Variants in UNC13C observed in about 807,000 individuals in gnomAD.
UNC13C encodes protein unc-13 homolog C.
A neutral mutation model predicts 245.4 loss-of-function variants in UNC13C; 174 were observed. The observed-to-expected ratio is 0.71, with a 90% confidence interval of 0.63 to 0.80. The LOEUF is 0.80. UNC13C is among the 30% of genes least tolerant of loss of function. The pLI is 0.00. For synonymous variants in UNC13C, 992 were observed against 895.1 expected (o/e 1.11, Z -1.93); for missense variants, 2,829 against 2,602.9 (o/e 1.09, Z -1.89).
intron 17 of UNC13C, among the ~76,000 whole-genome samples, chr15:54,350,886 C>T (rs980544240): frequency 1.3e-5 from 2 of 152,102 alleles, no homozygotes; most frequent in Non-Finnish European, 2.9e-5. Flanking sequence ...AAAATGAATT[C>T]ATCTACAATG....
chr15:53,935,817 A>G, the UNC13C span, among the ~76,000 whole-genome samples: 1 of 152,110 alleles, frequency 6.6e-6, no homozygotes, highest in East Asian at 1.9e-4. Context: ...CCCATGGAAC[A>G]GGAGACCCCC....
chr15:54,523,469 T>G (rs1192427965), intron 24 of UNC13C, among the ~76,000 whole-genome samples: 1 of 152,212 alleles, frequency 6.6e-6, no homozygotes, highest in Non-Finnish European at 1.5e-5. Context: ...ATCCAGAAAT[T>G]AAAACTGTCA....
At chr15:54,261,596 G>A (rs1172373952) in intron 8 of UNC13C, among the ~76,000 whole-genome samples, 1 of 152,206 alleles carries the variant, frequency 6.6e-6, no homozygotes, top group Non-Finnish European at 1.5e-5. Context: ...AGGCTGCGGT[G>A]CAGTGGCGCC....
At chr15:54,168,841 A>G (rs1052332490) in intron 4 of UNC13C, among the ~76,000 whole-genome samples, 2 of 152,252 alleles carry the variant, frequency 1.3e-5, no homozygotes, top group African/African-American at 4.8e-5. Flanking sequence ...ACTGAACATT[A>G]AAGAGGGCAT....
At chr15:54,027,785 C>CTT (rs754006574) in intron 2 of UNC13C, among the ~76,000 whole-genome samples, 10 of 140,966 alleles carry the variant, frequency 7.1e-5, no homozygotes, top group East Asian at 6.2e-4. Context: ...TGCACATTTC[C>CTT]TTTTTTTTTT....
intron 23 of UNC13C, among the ~76,000 whole-genome samples, chr15:54,509,794 AG>A (rs1424013211): frequency 1.3e-5 from 2 of 152,212 alleles, no homozygotes; most frequent in African/African-American, 4.8e-5. Flanking sequence ...ATCTGTTCCC[AG>A]TAGCAGTTTG....
At chr15:54,321,828 C>T in intron 13 of UNC13C, 111 bp from the exon 14 acceptor site, 1 of 1,117,834 alleles carries the variant, frequency 8.9e-7, no homozygotes, top group African/African-American at 1.6e-5. Flanking sequence ...GCAGTTTTCT[C>T]TCCTTTTCAT....
intron 19 of UNC13C, among the ~76,000 whole-genome samples, chr15:54,469,289 T>TAG (rs1892332948): frequency 6.6e-6 from 1 of 151,608 alleles, no homozygotes; most frequent in Non-Finnish European, 1.5e-5. Flanking sequence ...TCCTGCAACT[T>TAG]CACTGAGTTC....
At chr15:54,540,480 T>C (rs1896195244) in intron 26 of UNC13C, among the ~76,000 whole-genome samples, 1 of 152,132 alleles carries the variant, frequency 6.6e-6, no homozygotes, top group Admixed American at 6.6e-5. Flanking sequence ...GCTTACATTA[T>C]CAAGTTGATT....
chr15:53,987,373 A>C (rs17664329), intron 1 of UNC13C, among the ~76,000 whole-genome samples: 19,180 of 152,006 alleles, frequency 0.13, 1,524 homozygotes, highest in East Asian at 0.28. Flanking sequence ...GGATCCTAAC[A>C]CATAATCTTG....
the UNC13C span, among the ~76,000 whole-genome samples, chr15:53,953,065 A>C: frequency 6.6e-6 from 1 of 152,144 alleles, no homozygotes; most frequent in Non-Finnish European, 1.5e-5. Flanking sequence ...TTGAATTAGC[A>C]CCTCACAACA....
intron 1 of UNC13C, among the ~76,000 whole-genome samples, chr15:54,009,178 G>T (rs10518750): frequency 6.6e-6 from 1 of 152,128 alleles, no homozygotes. Flanking sequence ...GGAAATTGTT[G>T]CTGGATCATA....
At chr15:54,276,397 A>T (rs901399182) in intron 10 of UNC13C, among the ~76,000 whole-genome samples, 2 of 152,096 alleles carry the variant, frequency 1.3e-5, no homozygotes, top group Non-Finnish European at 2.9e-5. Context: ...ACACCCCACA[A>T]ATTCAAGATG....
chr15:53,918,170 C>G, the UNC13C span, among the ~76,000 whole-genome samples: 1 of 152,130 alleles, frequency 6.6e-6, no homozygotes, highest in Non-Finnish European at 1.5e-5. Context: ...TCTTCCCCTG[C>G]GTTTTGTTTT....
intron 2 of UNC13C, among the ~76,000 whole-genome samples, chr15:54,073,031 A>C (rs530018325): frequency 6.6e-6 from 1 of 151,906 alleles, no homozygotes. Flanking sequence ...TCCCTCCCCT[A>C]GCCCTCCACC....
intron 17 of UNC13C, among the ~76,000 whole-genome samples, chr15:54,360,896 T>G (rs1347252258): frequency 2.0e-5 from 3 of 152,166 alleles, no homozygotes; most frequent in Non-Finnish European, 4.4e-5. Context: ...GTATTCTTTA[T>G]TTGACTTTGG....
chr15:53,936,659 C>T, the UNC13C span, among the ~76,000 whole-genome samples: 1 of 152,164 alleles, frequency 6.6e-6, no homozygotes, highest in East Asian at 1.9e-4. Flanking sequence ...ACAGAGCTCC[C>T]AGAGGAAGGA....
At position 54,403,893 on chromosome 15, in the gene UNC13C, A is replaced by G. The variant is rs139820733; in HGVS notation, c.4847+10712A>G. Among the ~76,000 whole-genome samples, 493 of 152,290 alleles carry G rather than the reference A, an allele frequency of 3.2e-3. 3 individuals are homozygous for G. The highest frequency in any genetic ancestry group is 0.012 in the African/African-American group (479 of 41,558). On this transcript the variant is annotated intron_variant, in intron 18 of 32. Transcript: ENST00000260323. ...ATGGCACTTATGATCAACTTGCTTT[A>G]TGGTACAAGAGAACCTAAGTACAAA...
In UNC13C at chr15:54,014,161, G is replaced by A; in HGVS notation, c.1258G>A (p.Gly420Arg). The A allele has an allele frequency of 2.5e-6, 4 of 1,613,786 alleles. No homozygotes were observed. The highest frequency in any genetic ancestry group is 3.4e-6 in the Non-Finnish European group (4 of 1,179,824). The change falls in exon 2 of 33, where the codon GGG becomes AGG. Residue 420 changes from glycine to arginine, a missense_variant. Coordinates refer to ENST00000260323, the MANE Select transcript of UNC13C (RefSeq NM_001080534.3). ...TGACATCAGAGAAAGAAAAGAGAAA[G>A]GGATACCATCCTCCCAGACATATGA... Reference protein sequence around the residue: ...THDIRERKEKGIPSSQTYESM... With the variant: ...THDIRERKEKRIPSSQTYESM...
Sources: allele counts gnomAD v4.1 joint callset (sites outside exome capture counted in the v4.1 genomes callset), GRCh38; gene constraint gnomAD v4.1.1; transcripts MANE v1.5; gene names NCBI Gene and HGNC (gene_info 2026-07-23, HGNC 2026-07-21).